IGFL2: variants seen among roughly 807,000 people sequenced by gnomAD.
IGFL2 encodes the protein IGF like family member 2.
IGFL2 carries 7 observed loss-of-function variants against 13.9 expected under a neutral mutation model. The observed-to-expected ratio is 0.51, with a 90% CI of 0.29 to 0.95. The LOEUF (loss-of-function observed/expected upper bound fraction) is 0.95. Ranked by LOEUF, IGFL2 falls within the 40% of genes least tolerant of loss-of-function variation. The probability of loss-of-function intolerance (pLI) is 0.08; values close to 1 mark genes in which losing one functional copy is unlikely to be tolerated. For missense variants in IGFL2, 138 were observed against 147.8 expected, an observed-to-expected ratio of 0.93 and a Z score of 0.34; for synonymous variants, 55 against 55.8, an observed-to-expected ratio of 0.99 and a Z score of 0.07.
the IGFL2 span, among the ~76,000 whole-genome samples, chr19:46,103,993 G>A: frequency 2.0e-5 from 3 of 152,072 alleles, no homozygotes; most frequent in Admixed American, 1.3e-4. Context: ...GACTAAGTAG[G>A]GTCCAGTCCA....
the IGFL2 span, chr19:46,120,279 G>C: frequency 7.6e-5 from 123 of 1,608,774 alleles, 8 homozygotes; most frequent in African/African-American, 1.5e-3. Context: ...ATGTCCAGCT[G>C]CTTCGTCTCT....
At chr19:46,189,665 G>A in the IGFL2 span, 1 of 152,418 alleles carries the variant, frequency 6.6e-6, no homozygotes, top group African/African-American at 2.4e-5. Context: ...TCACACTCTT[G>A]TCTTCTGGTC....
At chr19:46,085,059 T>A in the IGFL2 span, among the ~76,000 whole-genome samples, 1 of 152,194 alleles carries the variant, frequency 6.6e-6, no homozygotes, top group Non-Finnish European at 1.5e-5. Flanking sequence ...GGAGTACAGC[T>A]ATTGGGTCGC....
chr19:46,129,250 G>T, the IGFL2 span, among the ~76,000 whole-genome samples: 1 of 149,764 alleles, frequency 6.7e-6, no homozygotes. Context: ...TCTAGCTAGT[G>T]TTCTATCTAT....
At chr19:46,080,424 A>G in the IGFL2 span, among the ~76,000 whole-genome samples, 1 of 152,200 alleles carries the variant, frequency 6.6e-6, no homozygotes, top group Admixed American at 6.5e-5. Context: ...TTAAAAGGAA[A>G]GAGGTGTGAA....
At chr19:46,102,092 T>C in the IGFL2 span, among the ~76,000 whole-genome samples, 1 of 152,096 alleles carries the variant, frequency 6.6e-6, no homozygotes, top group African/African-American at 2.4e-5. Flanking sequence ...AAGAAGTAAA[T>C]TTTCCCTGTG....
At chr19:46,152,735 AC>A (rs539976026) in intron 1 of IGFL2, among the ~76,000 whole-genome samples, 50 of 152,340 alleles carry the variant, frequency 3.3e-4, no homozygotes, top group African/African-American at 1.1e-3. Context: ...GAGTGGATAT[AC>A]TTGTCTTGTC....
the IGFL2 span, chr19:46,179,544 A>G: frequency 6.6e-6 from 1 of 152,526 alleles, no homozygotes; most frequent in East Asian, 1.9e-4. Flanking sequence ...GGGTCTGATG[A>G]ATCCGAGCAC....
At chr19:46,120,029 T>A in the IGFL2 span, 2 of 424,934 alleles carry the variant, frequency 4.7e-6, no homozygotes, top group Non-Finnish European at 8.6e-6. Flanking sequence ...CCTGAGCTCC[T>A]GCTCAGTGTC....
the IGFL2 span, among the ~76,000 whole-genome samples, chr19:46,172,128 G>A: frequency 6.6e-6 from 1 of 152,186 alleles, no homozygotes; most frequent in Admixed American, 6.5e-5. Context: ...CTTTGGAAGT[G>A]GAAGCCATTA....
the IGFL2 span, among the ~76,000 whole-genome samples, chr19:46,193,409 T>C: frequency 6.6e-6 from 1 of 152,102 alleles, no homozygotes; most frequent in Non-Finnish European, 1.5e-5. Context: ...ATTGCAGTGT[T>C]TGTGAAAGTT....
At chr19:46,081,278 T>C in the IGFL2 span, among the ~76,000 whole-genome samples, 2 of 152,242 alleles carry the variant, frequency 1.3e-5, no homozygotes, top group Non-Finnish European at 2.9e-5. Context: ...GTCTAACTTA[T>C]TACTTTAAAA....
the IGFL2 span, among the ~76,000 whole-genome samples, chr19:46,210,855 A>AC: frequency 6.6e-6 from 1 of 152,202 alleles, no homozygotes. Context: ...ACTAACCATC[A>AC]CAGAGGGTGT....
At chr19:46,180,743 C>G in the IGFL2 span, 1 of 152,202 alleles carries the variant, frequency 6.6e-6, no homozygotes, top group Non-Finnish European at 1.5e-5. Flanking sequence ...GTGGCGGAAG[C>G]CCTGAGAGCA....
the IGFL2 span, among the ~76,000 whole-genome samples, chr19:46,185,526 G>C: frequency 4.2e-3 from 644 of 152,346 alleles, 4 homozygotes; most frequent in African/African-American, 0.015. Context: ...GGGGGCTCTA[G>C]AGTGGTGTGG....
At chr19:46,104,998 A>ATT in the IGFL2 span, among the ~76,000 whole-genome samples, 1 of 152,206 alleles carries the variant, frequency 6.6e-6, no homozygotes, top group Non-Finnish European at 1.5e-5. Context: ...ACTGGCCATG[A>ATT]GGGACAGAAG....
the IGFL2 span, chr19:46,120,087 G>A: frequency 1.8e-6 from 1 of 547,868 alleles, no homozygotes. Flanking sequence ...TAAATGTGGG[G>A]GATTTTATTG....
upstream of IGFL2, among the ~76,000 whole-genome samples, chr19:46,146,071 C>T (rs573208643): frequency 2.6e-5 from 4 of 151,788 alleles, 1 homozygote; most frequent in South Asian, 8.5e-4. Flanking sequence ...ATGCCTTCTC[C>T]TTGAAATACG....
chr19:46,210,770 C>T, the IGFL2 span, among the ~76,000 whole-genome samples: 1 of 152,174 alleles, frequency 6.6e-6, no homozygotes, highest in Non-Finnish European at 1.5e-5. Flanking sequence ...AGTTAATCTC[C>T]TTTGGCAACA....
Sources: gnomAD v4.1 joint callset for allele counts (sites outside exome capture counted in the v4.1 genomes callset) on GRCh38, gnomAD v4.1.1 for gene constraint, MANE v1.5 for transcripts, NCBI Gene and HGNC (gene_info 2026-07-23, HGNC 2026-07-21) for gene names.